The following SPIDR variants were observed in gnomAD, a reference collection of about 807,000 sequenced individuals.
SPIDR encodes the protein DNA repair-scaffolding protein.
In SPIDR, 93 loss-of-function variants were observed where a neutral mutation model predicts 104.6. That is an observed-to-expected ratio of 0.89 (90% CI 0.75 to 1.06). SPIDR has a LOEUF of 1.06. Among genes scored for constraint, SPIDR ranks in the 50% least tolerant of loss-of-function variants. The pLI, the probability that SPIDR is intolerant of heterozygous loss-of-function variation, is 0.00. For synonymous variants in SPIDR, 431 were observed against 416.9 expected (o/e 1.03, Z -0.41); for missense variants, 1,154 against 1,111.2 (o/e 1.04, Z -0.55).
chr8:47,653,959 C>A lies in SPIDR; in HGVS notation c.1545-19842C>A, dbSNP rs10096732. On this transcript the variant is annotated intron_variant, in intron 10 of 19. Coordinates refer to ENST00000297423, the MANE Select transcript of SPIDR (RefSeq NM_001080394.4). The stretch of plus-strand genomic sequence containing the variant: ...AGTCTTCATATAAGACATGGAGTTT[C>A]AGTTTGACTTTGAAAAATGATACTT... 87 of 1,238,432 alleles carry A rather than the reference C, an allele frequency of 7.0e-5. No individual in the cohort carries two copies. In the African/African-American group the frequency reaches 9.2e-4, roughly 13 times the overall value. 76.7% of individuals were successfully genotyped at this position (1,238,432 alleles called of 1,614,324 possible).
At chr8:47,562,508 G>A (rs183676690) in intron 8 of SPIDR, among the ~76,000 whole-genome samples, 34 of 152,270 alleles carry the variant, frequency 2.2e-4, no homozygotes, top group Admixed American at 2.0e-4. Flanking sequence ...ATGGAGGCAA[G>A]GTTCACTGGT....
At chr8:47,606,710 C>T (rs980604012) in intron 10 of SPIDR, among the ~76,000 whole-genome samples, 1 of 152,150 alleles carries the variant, frequency 6.6e-6, no homozygotes, top group African/African-American at 2.4e-5. Flanking sequence ...TACTAGACTC[C>T]TTTTGAAAAG....
At chr8:47,614,563 T>C (rs562746041) in intron 10 of SPIDR, among the ~76,000 whole-genome samples, 1 of 152,360 alleles carries the variant, frequency 6.6e-6, no homozygotes, top group Admixed American at 6.5e-5. Flanking sequence ...CCATGGTGTA[T>C]ATGTACCACA....
intron 5 of SPIDR, among the ~76,000 whole-genome samples, chr8:47,349,092 C>T (rs558706179): frequency 6.0e-4 from 91 of 152,352 alleles, no homozygotes; most frequent in African/African-American, 2.0e-3. Context: ...GTGGTTTTAT[C>T]TACCTTTGGT....
At chr8:47,367,717 T>G (rs1181750385) in intron 5 of SPIDR, among the ~76,000 whole-genome samples, 3 of 152,172 alleles carry the variant, frequency 2.0e-5, no homozygotes, top group African/African-American at 7.2e-5. Context: ...TAGCACTTAG[T>G]GGAGTGTGTC....
At chr8:47,439,719 CA>C (rs2069029258) in intron 7 of SPIDR, among the ~76,000 whole-genome samples, 1 of 152,282 alleles carries the variant, frequency 6.6e-6, no homozygotes, top group East Asian at 1.9e-4. Flanking sequence ...ACACATAAGA[CA>C]ATTTAACAGT....
At chr8:47,655,487 A>AT (rs1272388880) in intron 10 of SPIDR, among the ~76,000 whole-genome samples, 3 of 152,032 alleles carry the variant, frequency 2.0e-5, no homozygotes, top group African/African-American at 7.3e-5. Flanking sequence ...GATGATGAGC[A>AT]TTTTTTCATG....
intron 5 of SPIDR, among the ~76,000 whole-genome samples, chr8:47,372,362 G>T (rs2058135133): frequency 6.6e-6 from 1 of 152,150 alleles, no homozygotes; most frequent in African/African-American, 2.4e-5. Context: ...TACTATCCCT[G>T]TCCTTAAGAA....
At chr8:47,647,437 A>G (rs1289117596) in intron 10 of SPIDR, among the ~76,000 whole-genome samples, 1 of 152,142 alleles carries the variant, frequency 6.6e-6, no homozygotes, top group Non-Finnish European at 1.5e-5. Context: ...CAGCATGGTG[A>G]AAACCTATCT....
intron 8 of SPIDR, among the ~76,000 whole-genome samples, chr8:47,567,692 G>C (rs1330232250): frequency 6.6e-6 from 1 of 151,848 alleles, no homozygotes; most frequent in African/African-American, 2.4e-5. Flanking sequence ...TATCATCAGT[G>C]CTTTGCCATT....
intron 10 of SPIDR, among the ~76,000 whole-genome samples, chr8:47,636,604 T>G (rs1406338007): frequency 6.6e-6 from 1 of 152,114 alleles, no homozygotes; most frequent in Non-Finnish European, 1.5e-5. Context: ...GAGGATCACT[T>G]GAGCCCAGGA....
intron 8 of SPIDR, among the ~76,000 whole-genome samples, chr8:47,481,500 G>A (rs1554727025): frequency 1.3e-5 from 2 of 152,188 alleles, no homozygotes; most frequent in African/African-American, 4.8e-5. Context: ...AATTAGCAAG[G>A]CAGGGTGGCA....
chr8:47,506,083 C>G (rs1193020903), intron 8 of SPIDR, among the ~76,000 whole-genome samples: 1 of 152,114 alleles, frequency 6.6e-6, no homozygotes, highest in African/African-American at 2.4e-5. Context: ...ATAGTACCTC[C>G]TTTGTTTCTT....
intron 10 of SPIDR, among the ~76,000 whole-genome samples, chr8:47,631,083 G>T (rs1327216384): frequency 6.6e-6 from 1 of 152,174 alleles, no homozygotes; most frequent in Non-Finnish European, 1.5e-5. Flanking sequence ...CGATGAAGAG[G>T]CTGAGGCCCT....
chr8:47,405,445 A>G (rs1451156164), intron 6 of SPIDR, among the ~76,000 whole-genome samples: 3 of 152,126 alleles, frequency 2.0e-5, no homozygotes, highest in African/African-American at 7.2e-5. Context: ...ATTTACAGTC[A>G]TTTTAATTGT....
intron 8 of SPIDR, among the ~76,000 whole-genome samples, chr8:47,548,413 C>T (rs575004743): frequency 2.0e-5 from 3 of 152,154 alleles, no homozygotes; most frequent in Non-Finnish European, 4.4e-5. Context: ...TTTGGGAGGC[C>T]GAGGCTGGTG....
intron 8 of SPIDR, among the ~76,000 whole-genome samples, chr8:47,593,092 G>A (rs2061244870): frequency 6.6e-6 from 1 of 152,030 alleles, no homozygotes; most frequent in African/African-American, 2.4e-5. Flanking sequence ...TCTTCATGTT[G>A]GTCAGGCTGG....
At chr8:47,490,853 C>T (rs899695588) in intron 8 of SPIDR, among the ~76,000 whole-genome samples, 21 of 151,682 alleles carry the variant, frequency 1.4e-4, no homozygotes, top group African/African-American at 5.1e-4. Flanking sequence ...TGCTAGGGTG[C>T]GGGGAGAGGG....
intron 10 of SPIDR, among the ~76,000 whole-genome samples, chr8:47,658,311 G>A (rs1454455424): frequency 6.6e-6 from 1 of 151,782 alleles, no homozygotes; most frequent in Non-Finnish European, 1.5e-5. Flanking sequence ...CCAGCTACTC[G>A]GGAGGCTGAG....
Sources: allele counts gnomAD v4.1 joint callset (sites outside exome capture counted in the v4.1 genomes callset), GRCh38; gene constraint gnomAD v4.1.1; transcripts MANE v1.5; gene names NCBI Gene and HGNC (gene_info 2026-07-23, HGNC 2026-07-21).